The following RNF170 variants were observed in gnomAD, a reference collection of about 807,000 sequenced individuals.
RNF170 encodes E3 ubiquitin-protein ligase RNF170.
Under a neutral mutation model 32.7 loss-of-function variants are expected in RNF170, and 12 were observed. The observed-to-expected ratio is 0.37, with a 90% CI of 0.24 to 0.60. The LOEUF (loss-of-function observed/expected upper bound fraction) is 0.60. Ranked by LOEUF, RNF170 falls within the 20% of genes least tolerant of loss-of-function variation. The probability of loss-of-function intolerance (pLI) is 0.72; values close to 1 mark genes in which losing one functional copy is unlikely to be tolerated. For synonymous variants in RNF170, 91 were observed against 103.6 expected (o/e 0.88, Z 0.74); for missense variants, 212 against 311.2 (o/e 0.68, Z 2.40).
In RNF170 at chr8:42,893,345, A is replaced by C. The variant is rs563590370; in HGVS notation, c.-8+3139T>G. The stretch of plus-strand genomic sequence containing the variant: ...AAAAACTGAACCCCATCCATCTTGG[A>C]AACTGTGCAGTGTAACTGATAGAAG... On this transcript the variant is annotated intron_variant, in intron 1 of 6. Coordinates refer to ENST00000527424, the MANE Select transcript of RNF170 (RefSeq NM_030954.4). Among the ~76,000 whole-genome samples, 8 of 152,360 alleles carry C rather than the reference A, an allele frequency of 5.3e-5. No individual in the cohort carries two copies. In the South Asian group the frequency reaches 6.2e-4, roughly 12 times the overall value.
At position 42,854,457 on chromosome 8, in the gene RNF170, T is replaced by C; in HGVS notation, c.*1702A>G. ...TTGGTGTCCTGCGTTCCTCACAAAA[T>C]TATCCAAAGGATAAAATGAAAAGTA... On this transcript the variant is annotated 3_prime_UTR_variant, in exon 7 of 7. Coordinates refer to ENST00000527424, the MANE Select transcript of RNF170 (RefSeq NM_030954.4). 7.8e-7 allele frequency: 1 copy of C among 1,287,102 alleles called. No individual in the cohort carries two copies. 79.7% of individuals were successfully genotyped at this position (1,287,102 alleles called of 1,614,324 possible).
In RNF170 at chr8:42,873,997, A is replaced by C; in HGVS notation, c.147T>G (p.His49Gln). Residue 49 changes from histidine to glutamine, a missense_variant, in exon 3 of 7, where the codon CAT (histidine) becomes CAG (glutamine). By Grantham distance (24) the His-to-Gln change is conservative. This residue lies in a region of RNF170 where 115 missense variants were observed against 132.3 expected (regional missense o/e 0.87). Coordinates refer to ENST00000527424, the MANE Select transcript of RNF170 (RefSeq NM_030954.4). ...TLVYALFRNVHQNIHPENQEL... is the reference protein window; with the variant it reads ...TLVYALFRNVQQNIHPENQEL... ...CCTGGTTTTCTGGGTGAATGTTTTG[A>C]TGTACATTTCTGTTGAATAGAATAT... The C allele has an allele frequency of 6.3e-7, 1 of 1,587,002 alleles. No homozygotes were observed. The highest frequency in any genetic ancestry group is 8.7e-7 in the Non-Finnish European group (1 of 1,155,654).
intron 2 of RNF170, among the ~76,000 whole-genome samples, chr8:42,876,541 G>A (rs1057061823): frequency 2.0e-5 from 3 of 151,818 alleles, no homozygotes; most frequent in Non-Finnish European, 4.4e-5. Context: ...GCCAATTCTC[G>A]CTAGACACCA....
Position 42,855,771 on chromosome 8 carries a change from A to G in RNF170, c.*388T>C, listed in dbSNP as rs1221588434. On this transcript the variant is annotated 3_prime_UTR_variant, in exon 7 of 7. Transcript: ENST00000527424. ...GAGTTTCACAGCTATATATTATCAT[A>G]TAGGTACCTGCTGAGAAGGATAAGA... 1.6e-6 allele frequency: 2 copies of G among 1,247,268 alleles called. No homozygotes were observed. Among genetic ancestry groups the G allele is most frequent in the Admixed American group, 4.7e-5 (2 of 42,414 alleles). 77.3% of individuals were successfully genotyped at this position (1,247,268 alleles called of 1,614,324 possible).
intron 2 of RNF170, among the ~76,000 whole-genome samples, chr8:42,876,954 C>CT (rs761345107): frequency 3.5e-3 from 439 of 124,810 alleles, no homozygotes; most frequent in Non-Finnish European, 4.9e-3. Flanking sequence ...TGTGCCCGGA[C>CT]TTTTTTTTTT....
rs1018907714 is a variant in RNF170, at chr8:42,861,992, G to A, written c.397-137C>T. 1.9e-5 allele frequency: 17 copies of A among 891,490 alleles called. No individual in the cohort carries two copies. The South Asian group carries it at 3.4e-4, about 18-fold the overall frequency. The allele number at this position is 891,490 out of a possible 1,614,324, so 55.2% of individuals were successfully genotyped here. On this transcript the variant is annotated intron_variant, in intron 5 of 6. Transcript: ENST00000527424. The stretch of plus-strand genomic sequence containing the variant: ...ATTTTTAAATAAAGGCAACCTGGGG[G>A]AGGGGAGTAAGTAACTGCTTTGCAA...
intron 2 of RNF170, among the ~76,000 whole-genome samples, chr8:42,880,990 T>G (rs1017921345): frequency 1.4e-4 from 22 of 152,224 alleles, no homozygotes; most frequent in African/African-American, 5.1e-4. Context: ...ACATAGACTA[T>G]GATATAATGT....
At chr8:42,883,595 G>C (rs1440461575) in intron 2 of RNF170, among the ~76,000 whole-genome samples, 1 of 135,862 alleles carries the variant, frequency 7.4e-6, no homozygotes, top group African/African-American at 2.7e-5. Context: ...AAAAAAAAAG[G>C]TCTAGGCATG....
chr8:42,862,225 T>C (rs1380109289), intron 5 of RNF170, among the ~76,000 whole-genome samples: 1 of 152,116 alleles, frequency 6.6e-6, no homozygotes, highest in Admixed American at 6.5e-5. Flanking sequence ...ACAGAAAAAT[T>C]ATGGTTTTCT....
chr8:42,877,735 T>C (rs1173835701), intron 2 of RNF170, among the ~76,000 whole-genome samples: 3 of 151,890 alleles, frequency 2.0e-5, no homozygotes, highest in African/African-American at 7.3e-5. Context: ...TCCTTACATA[T>C]AAGACAAAAG....
At position 42,853,333 on chromosome 8, in the gene RNF170, T is replaced by C; in HGVS notation, c.*2826A>G. 1 of 1,224,430 alleles carries C rather than the reference T, an allele frequency of 8.2e-7. No individual in the cohort carries two copies. Among genetic ancestry groups the C allele is most frequent in the African/African-American group, 1.6e-5 (1 of 63,514 alleles). 75.8% of individuals were successfully genotyped at this position (1,224,430 alleles called of 1,614,324 possible). On this transcript the variant is annotated 3_prime_UTR_variant, in exon 7 of 7. Coordinates refer to ENST00000527424, the MANE Select transcript of RNF170 (RefSeq NM_030954.4). ...GATATGTTGCTTTTATTCAAAAGAA[T>C]AAAATGCTTGACAAACTCTTTAATC...
chr8:42,859,913 G>T (rs1204979336), intron 6 of RNF170, among the ~76,000 whole-genome samples: 1 of 152,164 alleles, frequency 6.6e-6, no homozygotes, highest in East Asian at 1.9e-4. Flanking sequence ...GTCTCCCAAA[G>T]TGCCAGGATT....
In RNF170 at chr8:42,854,109, T is replaced by A. The variant is rs1330570112; in HGVS notation, c.*2050A>T. On this transcript the variant is annotated 3_prime_UTR_variant, in exon 7 of 7. Coordinates refer to ENST00000527424, the MANE Select transcript of RNF170 (RefSeq NM_030954.4). ...AGTTGGTGACTGCAGCTGAAATGTT[T>A]TTCTGTGATGTATGCCACCCTTTTA... The A allele has an allele frequency of 1.6e-6, 2 of 1,287,142 alleles. No individual in the cohort carries two copies. The highest frequency in any genetic ancestry group is 1.5e-5 in the African/African-American group (1 of 65,788). 79.7% of individuals were successfully genotyped at this position (1,287,142 alleles called of 1,614,324 possible).
At chr8:42,876,057 ATTCT>A (rs1053296615) in intron 2 of RNF170, among the ~76,000 whole-genome samples, 1 of 152,074 alleles carries the variant, frequency 6.6e-6, no homozygotes, top group Non-Finnish European at 1.5e-5. Flanking sequence ...GCATTTCTCC[ATTCT>A]TTGAGAGTAG....
intron 2 of RNF170, among the ~76,000 whole-genome samples, chr8:42,881,711 G>A (rs1805421381): frequency 6.6e-6 from 1 of 152,184 alleles, no homozygotes; most frequent in South Asian, 2.1e-4. Context: ...GAGGTGGGCA[G>A]ATCACTTGAG....
chr8:42,860,937 C>T lies in RNF170; in HGVS notation c.507+808G>A, dbSNP rs559378871. Among the ~76,000 whole-genome samples the T allele has an allele frequency of 3.9e-5, 6 of 152,244 alleles. No individual in the cohort carries two copies. In the South Asian group the frequency reaches 1.0e-3, roughly 26 times the overall value. ...TTCACCGTGTTGGCCAGGCTGGTCT[C>T]GAACTGCTGACCTCAGGTGATCCAC... On this transcript the variant is annotated intron_variant, in intron 6 of 6. Transcript: ENST00000527424.
In RNF170 at chr8:42,854,573, T is replaced by C. The variant is rs1803100570; in HGVS notation, c.*1586A>G. 1 of 1,286,934 alleles carries C rather than the reference T, an allele frequency of 7.8e-7. No homozygotes were observed. The highest frequency in any genetic ancestry group is 1.5e-5 in the African/African-American group (1 of 65,800). 79.7% of individuals were successfully genotyped at this position (1,286,934 alleles called of 1,614,324 possible). A position where few individuals can be genotyped will look rare whatever the true frequency, so the allele number is the denominator to read the frequency against. On this transcript the variant is annotated 3_prime_UTR_variant, in exon 7 of 7. Coordinates refer to ENST00000527424, the MANE Select transcript of RNF170 (RefSeq NM_030954.4). ...CAACAGCTCTGTCCTAGGTCCAAAT[T>C]AGAAAAACACATATTGATATTTCAT...
rs541208752 is a variant in RNF170 at position 42,853,405 on chromosome 8, G to A, written c.*2754C>T. 3.9e-6 allele frequency: 5 copies of A among 1,286,622 alleles called. No individual in the cohort carries two copies. Among genetic ancestry groups the A allele is most frequent in the South Asian group, 1.2e-5 (1 of 80,848 alleles). The allele number at this position is 1,286,622 out of a possible 1,614,324, so 79.7% of individuals were successfully genotyped here. On this transcript the variant is annotated 3_prime_UTR_variant, in exon 7 of 7. Coordinates refer to ENST00000527424, the MANE Select transcript of RNF170 (RefSeq NM_030954.4). ...CAGTCTTCTACAACAACTCTGTGAG[G>A]TAGGTATCTGCATAGCCACAAGGGA...
intron 2 of RNF170, among the ~76,000 whole-genome samples, chr8:42,882,442 C>G (rs1330113582): frequency 6.6e-6 from 1 of 152,156 alleles, no homozygotes; most frequent in Non-Finnish European, 1.5e-5. Flanking sequence ...AGGCTAGTCT[C>G]AAACTCCTGG....
Sources: gnomAD v4.1 joint callset for allele counts (sites outside exome capture counted in the v4.1 genomes callset) on GRCh38, gnomAD v4.1.1 for gene constraint, gnomAD v4.1.1 regional missense constraint, MANE v1.5 for transcripts, NCBI Gene and HGNC (gene_info 2026-07-23, HGNC 2026-07-21) for gene names.